The following RFC1 variants were observed in gnomAD, a reference collection of about 807,000 sequenced individuals.
The protein encoded by RFC1 is replication factor C subunit 1, also known as A1 140 kDa subunit.
Under a neutral mutation model 137.4 loss-of-function variants are expected in RFC1, and 37 were observed. That is an observed-to-expected ratio of 0.27 (90% CI 0.21 to 0.35). The LOEUF (loss-of-function observed/expected upper bound fraction) is 0.35. Among genes scored for constraint, RFC1 ranks in the 10% least tolerant of loss-of-function variants. RFC1 has a pLI of 1.00. For missense variants in RFC1, 1,205 were observed against 1,358.5 expected, an observed-to-expected ratio of 0.89 and a Z score of 1.78; for synonymous variants, 429 against 455.7, an observed-to-expected ratio of 0.94 and a Z score of 0.75.
chr4:39,354,893 C>A (rs984287250), intron 1 of RFC1, among the ~76,000 whole-genome samples: 2 of 151,306 alleles, frequency 1.3e-5, no homozygotes, highest in African/African-American at 4.9e-5. Context: ...ACCAGCCTGG[C>A]CAATACAGCA....
At chr4:39,326,707 T>G (rs941686483) in intron 5 of RFC1, 67 bp from the exon 6 acceptor site, 1 of 1,196,552 alleles carries the variant, frequency 8.4e-7, no homozygotes, top group Non-Finnish European at 1.2e-6. Flanking sequence ...CACTTTTTCT[T>G]GACTGTTGCT....
intron 1 of RFC1, among the ~76,000 whole-genome samples, chr4:39,362,472 G>A (rs1259215866): frequency 6.6e-6 from 1 of 152,172 alleles, no homozygotes; most frequent in East Asian, 1.9e-4. Context: ...TGGGAGTTTA[G>A]AAATCAACTC....
chr4:39,292,976 T>C (rs1483552235), intron 22 of RFC1, among the ~76,000 whole-genome samples: 1 of 152,082 alleles, frequency 6.6e-6, no homozygotes, highest in African/African-American at 2.4e-5. Flanking sequence ...GTTGTTGTTA[T>C]CAGAACCAGC....
intron 4 of RFC1, among the ~76,000 whole-genome samples, chr4:39,329,100 A>G (rs937752625): frequency 1.5e-5 from 2 of 134,948 alleles, no homozygotes; most frequent in Admixed American, 8.1e-5. Flanking sequence ...AAAGGGCCTC[A>G]ATAAATTTGT....
At chr4:39,289,340 T>A (rs1737540684) in intron 24 of RFC1, among the ~76,000 whole-genome samples, 1 of 152,032 alleles carries the variant, frequency 6.6e-6, no homozygotes, top group Admixed American at 6.6e-5. Context: ...AAAACAGAAA[T>A]GAAGGGCAAG....
At chr4:39,327,464 G>T in intron 5 of RFC1, 60 bp downstream of exon 5, 2 of 1,040,156 alleles carry the variant, frequency 1.9e-6, no homozygotes, top group Non-Finnish European at 2.8e-6. Context: ...AGTTTCTCCT[G>T]TTAATATTAG....
intron 1 of RFC1, among the ~76,000 whole-genome samples, chr4:39,358,728 C>A (rs530190457): frequency 2.0e-5 from 3 of 152,278 alleles, no homozygotes; most frequent in African/African-American, 7.2e-5. Context: ...ATATTTTCCA[C>A]GGAAATACGA....
chr4:39,352,772 T>C (rs1741271807), intron 1 of RFC1, among the ~76,000 whole-genome samples: 1 of 152,086 alleles, frequency 6.6e-6, no homozygotes, highest in Admixed American at 6.6e-5. Context: ...GAAGAAAAAA[T>C]AATGAGAATG....
chr4:39,295,875 A>C, intron 21 of RFC1, 116 bp from the exon 22 acceptor site: 1 of 874,220 alleles, frequency 1.1e-6, no homozygotes, highest in Non-Finnish European at 1.7e-6. Flanking sequence ...CCAAATACCT[A>C]CCTACAGGGC....
chr4:39,296,053 C>T (rs17288673), intron 21 of RFC1, among the ~76,000 whole-genome samples: 1,962 of 152,234 alleles, frequency 0.013, 41 homozygotes, highest in African/African-American at 0.044. Context: ...GTTACCTCAC[C>T]GATGCCAACG....
chr4:39,306,573 ACT>A lies in RFC1; in HGVS notation c.1995+17_1995+18del, dbSNP rs775280873. 2.9e-5 allele frequency: 40 copies of A among 1,403,294 alleles called. No individual in the cohort carries two copies. Among genetic ancestry groups the A allele is most frequent in the Admixed American group, 2.0e-4 (12 of 59,590 alleles). The allele number at this position is 1,403,294 out of a possible 1,614,324, so 86.9% of individuals were successfully genotyped here. A position where few individuals can be genotyped will look rare whatever the true frequency, so the allele number is the denominator to read the frequency against. ...CACTCGAGGTTATCTGTCCGACCAC[ACT>A]GTGACAACGCACCCACCTGACACAC... On this transcript the variant is annotated intron_variant, in intron 14 of 24. Transcript: ENST00000349703.
intron 1 of RFC1, among the ~76,000 whole-genome samples, chr4:39,351,791 G>C (rs758758763): frequency 1.3e-5 from 2 of 151,730 alleles, no homozygotes; most frequent in Non-Finnish European, 2.9e-5. Context: ...GTGAAACCCC[G>C]TTTCTACTAA....
chr4:39,362,586 T>C (rs1020205154), intron 1 of RFC1, among the ~76,000 whole-genome samples: 2 of 152,168 alleles, frequency 1.3e-5, no homozygotes, highest in Admixed American at 6.5e-5. Context: ...GATGTCCACA[T>C]ATAAAAGAAT....
chr4:39,364,823 T>C (rs1036138267), intron 1 of RFC1, among the ~76,000 whole-genome samples: 1 of 152,194 alleles, frequency 6.6e-6, no homozygotes, highest in Admixed American at 6.5e-5. Context: ...AGATTAAACT[T>C]AAGCTATTTA....
chr4:39,307,421 A>C (rs1241719323), intron 13 of RFC1: 1 of 152,822 alleles, frequency 6.5e-6, no homozygotes, highest in Non-Finnish European at 1.5e-5. Flanking sequence ...CCGAAGCTTT[A>C]AAACAGTCTT....
At chr4:39,322,410 A>C (rs1376263311) in intron 7 of RFC1, 12 of 152,262 alleles carry the variant, frequency 7.9e-5, no homozygotes, top group Admixed American at 7.9e-4. Flanking sequence ...CTCGCAAAAA[A>C]AAAGAAAGAA....
At chr4:39,308,220 T>C (rs1319437121) in intron 13 of RFC1, among the ~76,000 whole-genome samples, 3 of 152,134 alleles carry the variant, frequency 2.0e-5, no homozygotes, top group Non-Finnish European at 2.9e-5. Context: ...TTGGGACACA[T>C]ACTCTTTCCT....
chr4:39,288,924 A>ATGAGTAAATGAAATAAGTTC lies in RFC1; in HGVS notation c.3361-81_3361-80insGAACTTATTTCATTTACTCA. 9.1e-6 allele frequency: 8 copies of ATGAGTAAATGAAATAAGTTC among 883,174 alleles called. No individual in the cohort carries two copies. The African/African-American group carries it at 1.0e-4, about 11-fold the overall frequency. The allele number at this position is 883,174 out of a possible 1,614,324, so 54.7% of individuals were successfully genotyped here. A position where few individuals can be genotyped will look rare whatever the true frequency, so the allele number is the denominator to read the frequency against. ...ATAAGTTCATCTCTATAACAAATCT[A>ATGAGTAAATGAAATAAGTTC]ATCTTTACCTGCAACTTAATTAAAA... On this transcript the variant is annotated intron_variant, in intron 24 of 24. Transcript: ENST00000349703.
Position 39,366,300 on chromosome 4 carries a change from T to A in RFC1, c.-59A>T, listed in dbSNP as rs887741998. The A allele has an allele frequency of 5.5e-5, 83 of 1,499,754 alleles. No individual in the cohort carries two copies. The highest frequency in any genetic ancestry group is 9.0e-5 in the Admixed American group (4 of 44,492). 92.9% of individuals were successfully genotyped at this position (1,499,754 alleles called of 1,614,324 possible). A position where few individuals can be genotyped will look rare whatever the true frequency, so the allele number is the denominator to read the frequency against. On this transcript the variant is annotated 5_prime_UTR_variant, in exon 1 of 25. It removes the in-frame stop codon of an upstream open reading frame in the 5' UTR. Coordinates refer to ENST00000349703, the MANE Select transcript of RFC1 (RefSeq NM_002913.5). ...CGGGTGGGCCGGTTGAGGAATCTGTTATCGAGGCTCAGGATCCATTCGCGC... is the reference window on the plus strand; with the variant it reads ...CGGGTGGGCCGGTTGAGGAATCTGTAATCGAGGCTCAGGATCCATTCGCGC...
Sources: gnomAD v4.1 joint callset for allele counts (sites outside exome capture counted in the v4.1 genomes callset) on GRCh38, gnomAD v4.1.1 for gene constraint, MANE v1.5 for transcripts, NCBI Gene and HGNC (gene_info 2026-07-23, HGNC 2026-07-21) for gene names.